Variants in OSGIN1 observed in about 807,000 individuals in gnomAD.
The protein encoded by OSGIN1 is oxidative stress-induced growth inhibitor 1.
A neutral mutation model predicts 20.1 loss-of-function variants in OSGIN1; 19 were observed. That is an observed-to-expected ratio of 0.95 (90% CI 0.66 to 1.39). The LOEUF (loss-of-function observed/expected upper bound fraction) is 1.39. Among genes scored for constraint, OSGIN1 ranks in the 40% most tolerant of loss-of-function variants. The pLI, the probability that OSGIN1 is intolerant of heterozygous loss-of-function variation, is 0.00. For missense variants in OSGIN1, 820 were observed against 653.0 expected, an observed-to-expected ratio of 1.26 and a Z score of -2.79; for synonymous variants, 368 against 297.8, an observed-to-expected ratio of 1.24 and a Z score of -2.43.
Position 83,960,698 on chromosome 16 carries a change from C to T in OSGIN1, c.334C>T (p.Arg112Trp), listed in dbSNP as rs541053223. 1.8e-5 allele frequency: 29 copies of T among 1,613,588 alleles called. No homozygotes were observed. Among genetic ancestry groups the T allele is most frequent in the South Asian group, 1.4e-4 (13 of 91,090 alleles). Residue 112 changes from arginine to tryptophan, a missense_variant, in exon 4 of 6, where the codon CGG becomes TGG. Physicochemically the swap from Arg to Trp is moderately radical, Grantham distance 101. Coordinates refer to ENST00000393306, the MANE Select transcript of OSGIN1 (RefSeq NM_182981.3). ...NMKSVLTWKH[R>W]KEHAIPHVVL... ...GAAGTCGGTCCTCACCTGGAAGCACCGGAAGGAGCACGCCATCCCCCACGT... is the reference window on the plus strand; with the variant it reads ...GAAGTCGGTCCTCACCTGGAAGCACTGGAAGGAGCACGCCATCCCCCACGT...
At chr16:83,960,314 A>G (rs967881070) in intron 3 of OSGIN1, among the ~76,000 whole-genome samples, 2 of 152,350 alleles carry the variant, frequency 1.3e-5, no homozygotes, top group African/African-American at 4.8e-5. Context: ...ATATTAGGGT[A>G]GGGATGTAGG....
At chr16:83,959,662 C>T (rs1909111666) in intron 3 of OSGIN1, among the ~76,000 whole-genome samples, 2 of 152,142 alleles carry the variant, frequency 1.3e-5, no homozygotes, top group Admixed American at 1.3e-4. Context: ...CTGGCAATGT[C>T]TGGAGACAAT....
At chr16:83,953,734 G>C (rs1450271153) in intron 1 of OSGIN1, among the ~76,000 whole-genome samples, 1 of 152,106 alleles carries the variant, frequency 6.6e-6, no homozygotes, top group Non-Finnish European at 1.5e-5. Flanking sequence ...CGGCAGCCAG[G>C]CTGGGTGCCT....
intron 2 of OSGIN1, 47 bp downstream of exon 2, chr16:83,957,785 G>T: frequency 1.7e-6 from 2 of 1,149,264 alleles, no homozygotes; most frequent in East Asian, 2.8e-5. Context: ...GAGCCTTCCG[G>T]GTACCCCCCA....
intron 2 of OSGIN1, among the ~76,000 whole-genome samples, chr16:83,958,097 G>A (rs907198362): frequency 4.6e-5 from 7 of 152,066 alleles, no homozygotes; most frequent in Non-Finnish European, 1.0e-4. Context: ...GGCTGGTCTC[G>A]AACTCCTGAC....
chr16:83,964,999 T>TC, intron 5 of OSGIN1, 63 bp from the exon 6 acceptor site: 20 of 645,882 alleles, frequency 3.1e-5, no homozygotes, highest in African/African-American at 5.5e-5. Flanking sequence ...ACATCTCCCG[T>TC]CCCACCCAGC....
At chr16:83,964,999 T>A in intron 5 of OSGIN1, 63 bp from the exon 6 acceptor site, 4 of 645,890 alleles carry the variant, frequency 6.2e-6, no homozygotes, top group East Asian at 6.7e-5. Flanking sequence ...ACATCTCCCG[T>A]CCCACCCAGC....
At chr16:83,964,351 G>T (rs1379829671) in intron 5 of OSGIN1, among the ~76,000 whole-genome samples, 1 of 151,876 alleles carries the variant, frequency 6.6e-6, no homozygotes, top group Non-Finnish European at 1.5e-5. Flanking sequence ...TAATAAATTG[G>T]CTACATATAG....
Position 83,961,090 on chromosome 16 carries a change from C to A in OSGIN1, c.488+18C>A, listed in dbSNP as rs201776600. ...AAGCGAAGGTGAGGCCGCCCCGGAA[C>A]GCCTTGGGGGACACGGAAGGTTGGG... is the stretch of plus-strand genomic sequence containing the variant. On this transcript the variant is annotated intron_variant, in intron 5 of 5. Transcript: ENST00000393306. 2.5e-6 allele frequency: 4 copies of A among 1,597,150 alleles called. No homozygotes were observed. The highest frequency in any genetic ancestry group is 3.4e-6 in the Non-Finnish European group (4 of 1,165,320).
At position 83,954,832 on chromosome 16, in the gene OSGIN1, G is replaced by A. The variant is rs369345385; in HGVS notation, c.-33+1462G>A. 4 of 722,310 alleles carry A rather than the reference G, an allele frequency of 5.5e-6. No individual in the cohort carries two copies. In the African/African-American group the frequency reaches 7.6e-5, roughly 14 times the overall value. 44.7% of individuals were successfully genotyped at this position (722,310 alleles called of 1,614,324 possible). ...TCTGATTCCTCATTGGCCAGCAGGG[G>A]CTCCTGCAAATGCCCTTCTTGGGGT... On this transcript the variant is annotated intron_variant, in intron 1 of 5. Transcript: ENST00000393306.
chr16:83,960,916 GC>G, intron 4 of OSGIN1, 64 bp from the exon 5 acceptor site: 1 of 1,549,216 alleles, frequency 6.5e-7, no homozygotes. Context: ...GGCCTCCCAT[GC>G]CCTCTAGCCC....
Position 83,965,421 on chromosome 16 carries a change from CG to C in OSGIN1, c.850del (p.Ala284ProfsTer28). On this transcript the variant is annotated frameshift_variant, in exon 6 of 6. Coordinates refer to ENST00000393306, the MANE Select transcript of OSGIN1 (RefSeq NM_182981.3). LOFTEE classifies it low-confidence loss of function (END_TRUNC). ...EAATRVGAVTPASDPVLIIGA... is the reference protein window; with the variant it reads ...EAATRVGAVTXASDPVLIIGA... ...GCCACAAGGGTGGGTGCGGTGACCC[CG>C]GCCTCAGACCCTGTCCTCATCATTG... 6.3e-7 allele frequency: 1 copy of C among 1,580,924 alleles called. No homozygotes were observed. Among genetic ancestry groups the C allele is most frequent in the Non-Finnish European group, 8.6e-7 (1 of 1,166,632 alleles).
At chr16:83,955,918 C>A (rs1048430621) in intron 1 of OSGIN1, among the ~76,000 whole-genome samples, 3 of 152,200 alleles carry the variant, frequency 2.0e-5, no homozygotes, top group African/African-American at 7.2e-5. Context: ...CCCTGGCCCC[C>A]ACGCCAGTGG....
In OSGIN1 at chr16:83,953,287, G is replaced by A. The variant is rs1461662162; in HGVS notation, c.-116G>A. On this transcript the variant is annotated 5_prime_UTR_variant, in exon 1 of 6. Transcript: ENST00000393306. ...GGTAATGGGTGTCCCGATCTCGCGG[G>A]GGACTCTGTGATCCGTGTTCCCCTG... 7.8e-7 allele frequency: 1 copy of A among 1,288,536 alleles called. No homozygotes were observed. The highest frequency in any genetic ancestry group is 1.5e-5 in the African/African-American group (1 of 65,956). 79.8% of individuals were successfully genotyped at this position (1,288,536 alleles called of 1,614,324 possible).
Position 83,965,788 on chromosome 16 carries a change from G to C in OSGIN1, c.1215G>C (p.Leu405=). The C allele has an allele frequency of 6.2e-7, 1 of 1,613,090 alleles. No individual in the cohort carries two copies. Among genetic ancestry groups the C allele is most frequent in the East Asian group, 2.2e-5 (1 of 44,870 alleles). Residue 405 remains leucine (L), a synonymous_variant, in exon 6 of 6, where the codon CTG becomes CTC. Coordinates refer to ENST00000393306, the MANE Select transcript of OSGIN1 (RefSeq NM_182981.3). Reference sequence around the variant, plus strand: ...GCTCCCACCCCGACCTCTCCTTCCTGCCTGGGGCAGGGGCTGACTTTGCAG... The same window carrying C: ...GCTCCCACCCCGACCTCTCCTTCCTCCCTGGGGCAGGGGCTGACTTTGCAG... The part of the protein sequence containing the change: ...LIGSHPDLSF[L]PGAGADFAVD...
In OSGIN1 at chr16:83,965,333, C is replaced by T. The variant is rs199961054; in HGVS notation, c.760C>T (p.Arg254Trp). 1.1e-5 allele frequency: 18 copies of T among 1,573,824 alleles called. No homozygotes were observed. Among genetic ancestry groups the T allele is most frequent in the African/African-American group, 2.7e-5 (2 of 74,318 alleles). The change falls in exon 6 of 6, where the codon CGG (arginine) becomes TGG (tryptophan). Residue 254 changes from arginine to tryptophan, a missense_variant. Transcript: ENST00000393306. The part of the protein sequence containing the change: ...LATGTFDSPA[R>W]LGIPGEALPF... ...CACAGGCACGTTCGACAGCCCGGCC[C>T]GGCTGGGCATCCCCGGGGAGGCCCT...
At chr16:83,959,941 A>C (rs1407759836) in intron 3 of OSGIN1, among the ~76,000 whole-genome samples, 1 of 152,178 alleles carries the variant, frequency 6.6e-6, no homozygotes, top group Non-Finnish European at 1.5e-5. Flanking sequence ...AAGGGTTTGC[A>C]AATCCTCCCT....
At chr16:83,955,754 G>A (rs1255123521) in intron 1 of OSGIN1, among the ~76,000 whole-genome samples, 1 of 152,150 alleles carries the variant, frequency 6.6e-6, no homozygotes, top group Non-Finnish European at 1.5e-5. Context: ...TCCCCCTCAA[G>A]GCAGGCAGCC....
At chr16:83,959,832 T>C (rs1293989036) in intron 3 of OSGIN1, among the ~76,000 whole-genome samples, 1 of 151,764 alleles carries the variant, frequency 6.6e-6, no homozygotes, top group Non-Finnish European at 1.5e-5. Flanking sequence ...TTTGGATGAC[T>C]TTGTTCTGGC....
Sources: gnomAD v4.1 joint callset for allele counts (sites outside exome capture counted in the v4.1 genomes callset) on GRCh38, gnomAD v4.1.1 for gene constraint, MANE v1.5 for transcripts, NCBI Gene and HGNC (gene_info 2026-07-23, HGNC 2026-07-21) for gene names.